The following NEK11 variants were observed in gnomAD, a reference collection of about 807,000 sequenced individuals.
The protein encoded by NEK11 is NIMA related kinase 11, also known as serine/threonine-protein kinase Nek11.
In NEK11, 72 loss-of-function variants were observed where a neutral mutation model predicts 80.7. That is an observed-to-expected ratio of 0.89 (90% CI 0.74 to 1.08). The LOEUF (loss-of-function observed/expected upper bound fraction) is 1.08, where lower values mean the gene tolerates loss of function less well. NEK11 is among the 50% of genes least tolerant of loss of function. The pLI, the probability that NEK11 is intolerant of heterozygous loss-of-function variation, is 0.00. For synonymous variants in NEK11, 251 were observed against 260.7 expected (o/e 0.96, Z 0.36); for missense variants, 764 against 763.6 (o/e 1.00, Z -0.01).
chr3:131,078,860 G>GAGACTCC (rs1022096560), intron 3 of NEK11, among the ~76,000 whole-genome samples: 1 of 150,002 alleles, frequency 6.7e-6, no homozygotes, highest in African/African-American at 2.4e-5. Flanking sequence ...CCTCTGGTTA[G>GAGACTCC]AGACTCCTTC....
At chr3:131,262,456 T>G (rs1382423134) in intron 16 of NEK11, among the ~76,000 whole-genome samples, 1 of 152,214 alleles carries the variant, frequency 6.6e-6, no homozygotes, top group Non-Finnish European at 1.5e-5. Context: ...TACAAAATCA[T>G]GTTATCCGCA....
At chr3:131,264,522 T>C (rs902342838) in intron 16 of NEK11, among the ~76,000 whole-genome samples, 1 of 152,192 alleles carries the variant, frequency 6.6e-6, no homozygotes, top group African/African-American at 2.4e-5. Flanking sequence ...CAGATGGTTG[T>C]AGATGTGTGG....
intron 15 of NEK11, among the ~76,000 whole-genome samples, chr3:131,240,528 G>A (rs1446064529): frequency 6.6e-6 from 1 of 151,504 alleles, no homozygotes; most frequent in East Asian, 1.9e-4. Flanking sequence ...ATTGGTTTTT[G>A]TTGTTGTTGT....
intron 16 of NEK11, among the ~76,000 whole-genome samples, chr3:131,270,239 A>G (rs900172025): frequency 6.6e-6 from 1 of 152,192 alleles, no homozygotes; most frequent in Non-Finnish European, 1.5e-5. Flanking sequence ...TGTTTCTTGA[A>G]CAAGGATTTC....
At chr3:131,076,059 A>G (rs1429620131) in intron 3 of NEK11, among the ~76,000 whole-genome samples, 2 of 152,188 alleles carry the variant, frequency 1.3e-5, no homozygotes, top group Admixed American at 1.3e-4. Flanking sequence ...TGTCGGGTGG[A>G]TGCAGCTGAC....
chr3:131,157,639 A>G (rs182202583), intron 10 of NEK11, among the ~76,000 whole-genome samples: 3 of 152,294 alleles, frequency 2.0e-5, no homozygotes, highest in African/African-American at 7.2e-5. Context: ...GATGACTGGC[A>G]CACTCCTAAC....
intron 4 of NEK11, among the ~76,000 whole-genome samples, chr3:131,097,721 G>T (rs1036640723): frequency 6.0e-5 from 9 of 150,472 alleles, no homozygotes; most frequent in African/African-American, 1.9e-4. Flanking sequence ...CGTGAAAATG[G>T]CCATACTGCC....
intron 7 of NEK11, 79 bp from the exon 8 acceptor site, chr3:131,152,309 A>T (rs1167975545): frequency 7.8e-7 from 1 of 1,280,332 alleles, no homozygotes; most frequent in African/African-American, 1.5e-5. Context: ...ATGCCCCAAC[A>T]CATCTGAGGT....
chr3:131,102,969 T>C (rs892801526), intron 4 of NEK11, among the ~76,000 whole-genome samples: 1 of 152,230 alleles, frequency 6.6e-6, no homozygotes, highest in South Asian at 2.1e-4. Flanking sequence ...GTTAATACTT[T>C]TGATTATATT....
At chr3:131,306,507 T>C (rs988103463) in intron 17 of NEK11, among the ~76,000 whole-genome samples, 1 of 152,218 alleles carries the variant, frequency 6.6e-6, no homozygotes, top group Non-Finnish European at 1.5e-5. Flanking sequence ...GTATTTCCCT[T>C]CTCTCATGTT....
At chr3:131,044,422 C>CAAAAAAAAAAAAAAAAAAAA (rs57412173) in intron 3 of NEK11, among the ~76,000 whole-genome samples, 2 of 37,764 alleles carry the variant, frequency 5.3e-5, no homozygotes, top group African/African-American at 1.5e-4. Context: ...AAATGGAAAG[C>CAAAAAAAAAAAAAAAAAAAA]AAAAAAAAAA....
At chr3:131,333,708 G>A (rs2097133803) in intron 17 of NEK11, among the ~76,000 whole-genome samples, 1 of 152,164 alleles carries the variant, frequency 6.6e-6, no homozygotes, top group African/African-American at 2.4e-5. Flanking sequence ...TCAGTGTGCT[G>A]TATTCAGGAA....
At chr3:131,249,236 C>A (rs148422908) in intron 16 of NEK11, among the ~76,000 whole-genome samples, 1,661 of 152,066 alleles carry the variant, frequency 0.011, 27 homozygotes, top group Non-Finnish European at 0.012. Flanking sequence ...ACAGAGAAAG[C>A]TGAAAGCTAA....
intron 4 of NEK11, among the ~76,000 whole-genome samples, chr3:131,087,624 T>G (rs2076179265): frequency 6.6e-6 from 1 of 152,184 alleles, no homozygotes; most frequent in East Asian, 1.9e-4. Flanking sequence ...AACGGAACAT[T>G]TGAAATTTCC....
intron 3 of NEK11, among the ~76,000 whole-genome samples, chr3:131,077,768 G>A (rs560337581): frequency 6.6e-6 from 1 of 152,238 alleles, no homozygotes; most frequent in South Asian, 2.1e-4. Context: ...GTAATCTTCA[G>A]TAGTTAAAAA....
At chr3:131,041,665 G>A (rs1335595456) in intron 3 of NEK11, among the ~76,000 whole-genome samples, 1 of 152,154 alleles carries the variant, frequency 6.6e-6, no homozygotes, top group Non-Finnish European at 1.5e-5. Context: ...GTTGTGTTCA[G>A]CTGGTAATAA....
chr3:131,135,972 A>T (rs558846256), intron 7 of NEK11, among the ~76,000 whole-genome samples: 110 of 152,142 alleles, frequency 7.2e-4, no homozygotes, highest in Non-Finnish European at 1.3e-3. Context: ...ATTTCTTTTT[A>T]AAAAATTGCT....
At position 131,349,682 on chromosome 3, in the gene NEK11, C is replaced by T; in HGVS notation, c.1844C>T (p.Ala615Val). Residue 615 changes from alanine to valine, a missense_variant, in exon 18 of 18, where the codon GCC (alanine) becomes GTC (valine). By Grantham distance (64) the Ala-to-Val change is moderately conservative. Transcript: ENST00000383366. ...TGTTTGGAAAAAGTGGTGCCTCAAG[C>T]CAGCGACTGTTTTGAAGTGGACCAG... Reference protein sequence around the residue: ...RECLEKVVPQASDCFEVDQLL... With the variant: ...RECLEKVVPQVSDCFEVDQLL... 1 of 1,613,992 alleles carries T rather than the reference C, an allele frequency of 6.2e-7. No individual in the cohort carries two copies. The highest frequency in any genetic ancestry group is 1.3e-5 in the African/African-American group (1 of 75,022).
intron 5 of NEK11, among the ~76,000 whole-genome samples, chr3:131,131,963 G>C (rs1274621411): frequency 1.3e-5 from 2 of 151,880 alleles, no homozygotes; most frequent in East Asian, 3.9e-4. Context: ...TCATTGTTTA[G>C]AAGTGTGTGG....
Sources: allele counts gnomAD v4.1 joint callset (sites outside exome capture counted in the v4.1 genomes callset), GRCh38; gene constraint gnomAD v4.1.1; transcripts MANE v1.5; gene names NCBI Gene and HGNC (gene_info 2026-07-23, HGNC 2026-07-21).